Variants in WDR41 observed in about 807,000 individuals in gnomAD.
The protein encoded by WDR41 is WD repeat domain 41.
A neutral mutation model predicts 69.3 loss-of-function variants in WDR41; 63 were observed. That is an observed-to-expected ratio of 0.91 (90% CI 0.74 to 1.12). The LOEUF is 1.12. Ranked by LOEUF, WDR41 falls within the 50% of genes most tolerant of loss-of-function variation. WDR41 has a pLI of 0.00. For missense variants in WDR41, 543 were observed against 534.5 expected, an observed-to-expected ratio of 1.02 and a Z score of -0.16; for synonymous variants, 185 against 192.1, an observed-to-expected ratio of 0.96 and a Z score of 0.31.
intron 1 of WDR41, among the ~76,000 whole-genome samples, chr5:77,559,104 C>A (rs1317617051): frequency 6.6e-6 from 1 of 152,054 alleles, no homozygotes; most frequent in Non-Finnish European, 1.5e-5. Context: ...GTATTAAAGA[C>A]AGTGGTACGC....
At chr5:77,459,330 T>C (rs1799950554) in intron 4 of WDR41, among the ~76,000 whole-genome samples, 1 of 152,140 alleles carries the variant, frequency 6.6e-6, no homozygotes, top group Admixed American at 6.5e-5. Context: ...TAAAATAAGT[T>C]TGAGGTAAAT....
intron 1 of WDR41, 26 bp downstream of exon 1, chr5:77,492,144 G>C (rs757020198): frequency 4.4e-6 from 7 of 1,606,754 alleles, no homozygotes; most frequent in Non-Finnish European, 5.9e-6. Context: ...CTCGACGGAC[G>C]CAGAGCAGAC....
chr5:77,496,302 T>C (rs1439906038), upstream of WDR41, among the ~76,000 whole-genome samples: 1 of 151,900 alleles, frequency 6.6e-6, no homozygotes, highest in African/African-American at 2.4e-5. Flanking sequence ...AGCATCCAAA[T>C]TGGAAAGGAA....
chr5:77,523,834 C>T (rs1442752189), intron 1 of WDR41, among the ~76,000 whole-genome samples: 1 of 152,014 alleles, frequency 6.6e-6, no homozygotes, highest in Non-Finnish European at 1.5e-5. Context: ...GAAGTAAATG[C>T]CCACTCACTT....
At chr5:77,551,855 G>A (rs1434995381) in intron 1 of WDR41, among the ~76,000 whole-genome samples, 1 of 151,396 alleles carries the variant, frequency 6.6e-6, no homozygotes, top group African/African-American at 2.4e-5. Context: ...GCACGAGCCT[G>A]TAATCCCAGC....
At chr5:77,476,608 C>G (rs929906746) in intron 2 of WDR41, among the ~76,000 whole-genome samples, 1 of 151,752 alleles carries the variant, frequency 6.6e-6, no homozygotes, top group Non-Finnish European at 1.5e-5. Flanking sequence ...AAATACTTTA[C>G]AGACAAGCAA....
At chr5:77,480,564 T>C (rs542551839) in intron 2 of WDR41, among the ~76,000 whole-genome samples, 143 of 151,686 alleles carry the variant, frequency 9.4e-4, no homozygotes, top group African/African-American at 3.2e-3. Context: ...CTCAGTAAAC[T>C]ATTGCAAGAA....
At chr5:77,529,110 A>G (rs1433206421) in intron 1 of WDR41, among the ~76,000 whole-genome samples, 1 of 151,598 alleles carries the variant, frequency 6.6e-6, no homozygotes, top group Non-Finnish European at 1.5e-5. Flanking sequence ...TTCATAGCTG[A>G]CATGTATAAT....
At chr5:77,585,280 C>T (rs1246549240) in intron 1 of WDR41, among the ~76,000 whole-genome samples, 2 of 152,136 alleles carry the variant, frequency 1.3e-5, no homozygotes, top group Non-Finnish European at 2.9e-5. Context: ...GCGATATCAC[C>T]TCACTCCTGC....
intron 2 of WDR41, among the ~76,000 whole-genome samples, chr5:77,470,492 TAAAG>T (rs1800536117): frequency 6.6e-6 from 1 of 152,038 alleles, no homozygotes; most frequent in Non-Finnish European, 1.5e-5. Flanking sequence ...GCAAATTGGA[TAAAG>T]AGTCAAGACC....
intron 1 of WDR41, among the ~76,000 whole-genome samples, chr5:77,609,426 C>A (rs1404636920): frequency 6.6e-6 from 1 of 152,184 alleles, no homozygotes; most frequent in East Asian, 1.9e-4. Context: ...CAGACTGACA[C>A]CTCACACGGC....
At chr5:77,604,892 C>G (rs1034026291) in intron 1 of WDR41, among the ~76,000 whole-genome samples, 1 of 152,086 alleles carries the variant, frequency 6.6e-6, no homozygotes, top group African/African-American at 2.4e-5. Context: ...AACAGGGAAA[C>G]AGAATGTTAC....
At chr5:77,472,141 T>A (rs1384740756) in intron 2 of WDR41, among the ~76,000 whole-genome samples, 1 of 152,202 alleles carries the variant, frequency 6.6e-6, no homozygotes, top group Non-Finnish European at 1.5e-5. Context: ...ATAAACATAA[T>A]TCAGCATATA....
At chr5:77,571,021 T>C (rs988305179) in intron 1 of WDR41, among the ~76,000 whole-genome samples, 2 of 152,084 alleles carry the variant, frequency 1.3e-5, no homozygotes, top group Non-Finnish European at 2.9e-5. Context: ...TTACATTTAA[T>C]GCAATTAAGA....
chr5:77,528,394 T>C (rs1802479101), intron 1 of WDR41, among the ~76,000 whole-genome samples: 2 of 151,756 alleles, frequency 1.3e-5, no homozygotes, highest in South Asian at 4.1e-4. Context: ...TAAAAGAACA[T>C]TAAATCCACC....
At chr5:77,437,978 T>C (rs1799012481) in intron 10 of WDR41, among the ~76,000 whole-genome samples, 1 of 152,230 alleles carries the variant, frequency 6.6e-6, no homozygotes, top group Non-Finnish European at 1.5e-5. Context: ...GTCGTTTATG[T>C]TGTTAAATAC....
chr5:77,535,777 T>C (rs928783574), intron 1 of WDR41, among the ~76,000 whole-genome samples: 3 of 152,194 alleles, frequency 2.0e-5, no homozygotes, highest in Non-Finnish European at 2.9e-5. Flanking sequence ...TGCCCATGGA[T>C]TAGAGTATTA....
chr5:77,618,873 C>T (rs193258898), intron 1 of WDR41, among the ~76,000 whole-genome samples: 11 of 152,214 alleles, frequency 7.2e-5, no homozygotes, highest in East Asian at 1.9e-4. Flanking sequence ...TGTGATATAA[C>T]GACGTTTTAG....
At chr5:77,532,111 G>A (rs1275871268) in intron 1 of WDR41, among the ~76,000 whole-genome samples, 1 of 152,040 alleles carries the variant, frequency 6.6e-6, no homozygotes, top group Admixed American at 6.6e-5. Context: ...TTTACATTAT[G>A]TAAATTTCAA....
Sources: gnomAD v4.1 joint callset for allele counts (sites outside exome capture counted in the v4.1 genomes callset) on GRCh38, gnomAD v4.1.1 for gene constraint, MANE v1.5 for transcripts, NCBI Gene and HGNC (gene_info 2026-07-23, HGNC 2026-07-21) for gene names.